Variants in PTPRN2 observed in about 807,000 individuals in gnomAD.
The protein encoded by PTPRN2 is protein tyrosine phosphatase receptor type N2, also known as receptor-type tyrosine-protein phosphatase N2.
In PTPRN2, 74 loss-of-function variants were observed where a neutral mutation model predicts 118.8. The observed-to-expected ratio is 0.62, with a 90% confidence interval of 0.52 to 0.76. The LOEUF (loss-of-function observed/expected upper bound fraction) is 0.76. Among genes scored for constraint, PTPRN2 ranks in the 30% least tolerant of loss-of-function variants. The pLI is 0.00. For synonymous variants in PTPRN2, 641 were observed against 608.0 expected (o/e 1.05, Z -0.80); for missense variants, 1,481 against 1,394.4 (o/e 1.06, Z -0.99).
At chr7:158,114,452 C>A (rs1023539850) in intron 9 of PTPRN2, among the ~76,000 whole-genome samples, 1 of 151,126 alleles carries the variant, frequency 6.6e-6, no homozygotes, top group African/African-American at 2.4e-5. Context: ...TAACGTAGGT[C>A]GCTCAGCTTC....
At chr7:158,061,298 AG>A (rs1478707583) in intron 11 of PTPRN2, among the ~76,000 whole-genome samples, 4 of 152,246 alleles carry the variant, frequency 2.6e-5, no homozygotes, top group Non-Finnish European at 5.9e-5. Flanking sequence ...ACTTAAAACA[AG>A]GGGAGGACTG....
intron 3 of PTPRN2, among the ~76,000 whole-genome samples, chr7:158,240,755 G>A (rs1474656123): frequency 1.3e-5 from 2 of 152,174 alleles, no homozygotes; most frequent in African/African-American, 4.8e-5. Context: ...AATGGCAAAA[G>A]GCTTCCTTCG....
At chr7:157,805,568 C>G (rs1391950061) in intron 12 of PTPRN2, among the ~76,000 whole-genome samples, 1 of 152,156 alleles carries the variant, frequency 6.6e-6, no homozygotes, top group African/African-American at 2.4e-5. Context: ...GACGTAAACT[C>G]CCGGTTGTTT....
Position 158,287,160 on chromosome 7 carries a change from C to G in PTPRN2, c.277+29659G>C, listed in dbSNP as rs111764374. On this transcript the variant is annotated intron_variant, in intron 3 of 22. Coordinates refer to ENST00000389418, the MANE Select transcript of PTPRN2 (RefSeq NM_002847.5). ...TTGTTCATAGTCTCATGGTCCCTTA[C>G]ATTTCTGTGGTATTTGTTGTAATGT... Among the ~76,000 whole-genome samples the G allele has an allele frequency of 4.6e-3, 698 of 152,242 alleles. 7 individuals are homozygous for G. The highest frequency in any genetic ancestry group is 0.016 in the African/African-American group (648 of 41,566).
At chr7:158,395,087 C>T (rs1030208474) in intron 2 of PTPRN2, among the ~76,000 whole-genome samples, 4 of 152,160 alleles carry the variant, frequency 2.6e-5, no homozygotes, top group African/African-American at 7.2e-5. Context: ...TGACTGACCC[C>T]TCGTTCCCGC....
intron 11 of PTPRN2, among the ~76,000 whole-genome samples, chr7:158,004,764 T>C (rs1805528247): frequency 6.6e-6 from 1 of 152,246 alleles, no homozygotes; most frequent in Non-Finnish European, 1.5e-5. Context: ...TAAATTTCAC[T>C]TCTGTGACTC....
intron 12 of PTPRN2, among the ~76,000 whole-genome samples, chr7:157,707,718 ATTGGGATTACAG>A (rs1798405575): frequency 6.6e-6 from 1 of 151,902 alleles, no homozygotes; most frequent in African/African-American, 2.4e-5. Context: ...CATAATCCCA[ATTGGGATTACAG>A]TTGGGATTAC....
At chr7:158,263,757 C>T (rs1232475940) in intron 3 of PTPRN2, among the ~76,000 whole-genome samples, 3 of 152,208 alleles carry the variant, frequency 2.0e-5, no homozygotes, top group East Asian at 1.9e-4. Flanking sequence ...CCAAAGCACC[C>T]GTGGCACCTG....
intron 3 of PTPRN2, among the ~76,000 whole-genome samples, chr7:158,313,171 C>G (rs374654426): frequency 3.9e-5 from 6 of 152,134 alleles, no homozygotes; most frequent in African/African-American, 1.2e-4. Flanking sequence ...GGTACGTGTG[C>G]CTTCGCAGCA....
chr7:158,287,112 G>T (rs1052783987), intron 3 of PTPRN2, among the ~76,000 whole-genome samples: 7 of 152,002 alleles, frequency 4.6e-5, no homozygotes, highest in Non-Finnish European at 5.9e-5. Context: ...TTTCTTCTGG[G>T]TTATCCAATT....
chr7:157,837,055 A>C (rs1807997823), intron 12 of PTPRN2, among the ~76,000 whole-genome samples: 2 of 112,784 alleles, frequency 1.8e-5, no homozygotes, highest in Admixed American at 9.3e-5. Context: ...CCATCCACAC[A>C]TCTGCCCTTC....
rs997429107 is a variant in PTPRN2 at position 158,576,297 on chromosome 7, T to G, written c.112+11261A>C. Among the ~76,000 whole-genome samples the G allele has an allele frequency of 2.0e-5, 3 of 152,204 alleles. No homozygotes were observed. In the East Asian group the frequency reaches 5.8e-4, roughly 29 times the overall value. ...AGAAGCCGTTTTCAGACCACACTCGTTTTGCAAGAACGAACATCTCTGTAA... is the reference window on the plus strand; with the variant it reads ...AGAAGCCGTTTTCAGACCACACTCGGTTTGCAAGAACGAACATCTCTGTAA... On this transcript the variant is annotated intron_variant, in intron 1 of 22. Transcript: ENST00000389418.
rs112209460 is a variant in PTPRN2, at chr7:158,100,804, G to C, written c.1643+10025C>G. On this transcript the variant is annotated intron_variant, in intron 10 of 22. Transcript: ENST00000389418. ...AGAGTCTGGATATTAGTCTTTTGTC[G>C]GATATATAGATCATGAAGATTTTTT... 6.2e-3 allele frequency among the ~76,000 whole-genome samples: 938 copies of C among 152,098 alleles called. 12 individuals are homozygous for C. The highest frequency in any genetic ancestry group is 0.022 in the African/African-American group (896 of 41,462).
At chr7:158,261,108 T>C (rs1446035847) in intron 3 of PTPRN2, among the ~76,000 whole-genome samples, 1 of 152,122 alleles carries the variant, frequency 6.6e-6, no homozygotes, top group East Asian at 1.9e-4. Context: ...GCTGAGTCTG[T>C]GTCAGCGTCA....
At chr7:158,319,973 T>A (rs867306518) in intron 2 of PTPRN2, among the ~76,000 whole-genome samples, 1 of 27,436 alleles carries the variant, frequency 3.6e-5, no homozygotes, top group Non-Finnish European at 8.1e-5. Context: ...ACAGCCTCCC[T>A]CACACACACA....
intron 11 of PTPRN2, among the ~76,000 whole-genome samples, chr7:158,067,072 A>C (rs1810831127): frequency 2.0e-5 from 3 of 152,186 alleles, no homozygotes; most frequent in Admixed American, 2.0e-4. Context: ...TACACCTGGC[A>C]CCTAAGCAGC....
intron 3 of PTPRN2, among the ~76,000 whole-genome samples, chr7:158,289,200 G>C (rs1195233695): frequency 1.3e-5 from 2 of 151,982 alleles, no homozygotes; most frequent in African/African-American, 2.4e-5. Flanking sequence ...CCTGTACCTA[G>C]ATATTTATAT....
chr7:158,535,241 T>C (rs1412653847), intron 1 of PTPRN2, among the ~76,000 whole-genome samples: 1 of 152,246 alleles, frequency 6.6e-6, no homozygotes, highest in Non-Finnish European at 1.5e-5. Flanking sequence ...TGATCTCAGA[T>C]ACTCTTAACT....
At chr7:158,066,881 G>A (rs1461230328) in intron 11 of PTPRN2, among the ~76,000 whole-genome samples, 2 of 152,166 alleles carry the variant, frequency 1.3e-5, no homozygotes, top group Non-Finnish European at 2.9e-5. Context: ...CACTTCCTCA[G>A]TGGGGCCCTA....
Sources: gnomAD v4.1 joint callset for allele counts (sites outside exome capture counted in the v4.1 genomes callset) on GRCh38, gnomAD v4.1.1 for gene constraint, MANE v1.5 for transcripts, NCBI Gene and HGNC (gene_info 2026-07-23, HGNC 2026-07-21) for gene names.